ST3GAL2: variants seen among roughly 807,000 people sequenced by gnomAD.
The protein encoded by ST3GAL2 is CMP-N-acetylneuraminate-beta-galactosamide-alpha-2,3-sialyltransferase 2.
ST3GAL2 carries 16 observed loss-of-function variants against 37.5 expected under a neutral mutation model. The ratio of observed to expected loss-of-function variants is 0.43; its 90% CI spans 0.29 to 0.65. The LOEUF is 0.65. ST3GAL2 is among the 30% of genes least tolerant of loss of function. The probability of loss-of-function intolerance (pLI) is 0.17; values close to 1 mark genes in which losing one functional copy is unlikely to be tolerated. For missense variants in ST3GAL2, 383 were observed against 487.8 expected, an observed-to-expected ratio of 0.79 and a Z score of 2.02; for synonymous variants, 238 against 202.9, an observed-to-expected ratio of 1.17 and a Z score of -1.47.
chr16:70,409,499 A>G (rs901424547), intron 1 of ST3GAL2, among the ~76,000 whole-genome samples: 1 of 152,094 alleles, frequency 6.6e-6, no homozygotes, highest in Non-Finnish European at 1.5e-5. Flanking sequence ...ATGCGCCACC[A>G]TGCCTGGCTA....
In ST3GAL2 at chr16:70,380,140, C is replaced by G. The variant is rs2151654000; in HGVS notation, c.*1549G>C. On this transcript the variant is annotated 3_prime_UTR_variant, in exon 7 of 7. Coordinates refer to ENST00000342907, the MANE Select transcript of ST3GAL2 (RefSeq NM_006927.4). ...CGCCCTGAGAGAGGCATTCTACTAA[C>G]CCCACCCCAATCACCCCTATTTTTA... The G allele has an allele frequency of 6.6e-6, 1 of 152,168 alleles. No homozygotes were observed. The highest frequency in any genetic ancestry group is 2.1e-4 in the South Asian group (1 of 4,820). 9.4% of individuals were successfully genotyped at this position (152,168 alleles called of 1,614,324 possible).
At chr16:70,438,710 C>G (rs1171877550) in intron 1 of ST3GAL2, among the ~76,000 whole-genome samples, 1 of 152,138 alleles carries the variant, frequency 6.6e-6, no homozygotes, top group Non-Finnish European at 1.5e-5. Flanking sequence ...AGCGGGAGCC[C>G]TGGGAGGCTG....
rs1411826207 is a variant in ST3GAL2, at chr16:70,378,000, A to C, written c.*3689T>G. ...AGGAATGAAAAAGGTATCAACTCACATGGGCAAATAAATGGAAACAATAAC... is the reference window on the plus strand; with the variant it reads ...AGGAATGAAAAAGGTATCAACTCACCTGGGCAAATAAATGGAAACAATAAC... On this transcript the variant is annotated 3_prime_UTR_variant, in exon 7 of 7. Transcript: ENST00000342907. The C allele has an allele frequency of 6.6e-6, 1 of 152,194 alleles. No homozygotes were observed. The highest frequency in any genetic ancestry group is 6.6e-5 in the Admixed American group (1 of 15,258). 9.4% of individuals were successfully genotyped at this position (152,194 alleles called of 1,614,324 possible). A position where few individuals can be genotyped will look rare whatever the true frequency, so the allele number is the denominator to read the frequency against.
At position 70,380,251 on chromosome 16, in the gene ST3GAL2, C is replaced by T. The variant is rs2047388157; in HGVS notation, c.*1438G>A. On this transcript the variant is annotated 3_prime_UTR_variant, in exon 7 of 7. Coordinates refer to ENST00000342907, the MANE Select transcript of ST3GAL2 (RefSeq NM_006927.4). The stretch of plus-strand genomic sequence containing the variant: ...TTCAGGGGCCCACTGCCCATCCCAA[C>T]CCTCCCCTAACAAAGTCCCCTGCCG... The T allele has an allele frequency of 6.6e-6, 1 of 152,212 alleles. No homozygotes were observed. Among genetic ancestry groups the T allele is most frequent in the South Asian group, 2.1e-4 (1 of 4,838 alleles). The allele number at this position is 152,212 out of a possible 1,614,324, so 9.4% of individuals were successfully genotyped here. A position where few individuals can be genotyped will look rare whatever the true frequency, so the allele number is the denominator to read the frequency against.
At chr16:70,414,377 G>C (rs1375065747) in intron 1 of ST3GAL2, among the ~76,000 whole-genome samples, 1 of 152,206 alleles carries the variant, frequency 6.6e-6, no homozygotes, top group Non-Finnish European at 1.5e-5. Flanking sequence ...ACATGCAAAC[G>C]GGATCTTTCA....
At chr16:70,415,221 C>T (rs71401807) in intron 1 of ST3GAL2, among the ~76,000 whole-genome samples, 4,510 of 152,118 alleles carry the variant, frequency 0.03, 113 homozygotes, top group Non-Finnish European at 0.045. Flanking sequence ...GTTGGTCAGG[C>T]TGGTCTCAAA....
At chr16:70,388,100 G>A (rs1174699774) in intron 4 of ST3GAL2, among the ~76,000 whole-genome samples, 2 of 144,048 alleles carry the variant, frequency 1.4e-5, no homozygotes, top group Admixed American at 7.1e-5. Context: ...CAACAAGAGC[G>A]AAATTCTGTC....
chr16:70,415,730 G>T (rs957732286), intron 1 of ST3GAL2, among the ~76,000 whole-genome samples: 2 of 149,860 alleles, frequency 1.3e-5, no homozygotes, highest in African/African-American at 4.9e-5. Context: ...AGGATTACAG[G>T]CGTTGATCCA....
In ST3GAL2 at chr16:70,395,456, A is replaced by G. The variant is rs536853958; in HGVS notation, c.340-281T>C. On this transcript the variant is annotated intron_variant, in intron 2 of 6. Transcript: ENST00000342907. ...CTGATGCACTAGAAGGGGCTCAGGG[A>G]TCAAGGTGCCTTTCACACATTCTCT... 1.6e-3 allele frequency among the ~76,000 whole-genome samples: 239 copies of G among 152,320 alleles called. 2 individuals are homozygous for G. The highest frequency in any genetic ancestry group is 1.5e-3 in the Non-Finnish European group (101 of 68,022).
Position 70,417,822 on chromosome 16 carries a change from G to A in ST3GAL2, c.-1003-18289C>T, listed in dbSNP as rs148007667. On this transcript the variant is annotated intron_variant, in intron 1 of 6. Coordinates refer to ENST00000342907, the MANE Select transcript of ST3GAL2 (RefSeq NM_006927.4). ...GGTGGCATGGCGTGGCTGGGGGGGC[G>A]GGGGGAATGTTAGAAGTTCATCTCC... 3.6e-3 allele frequency among the ~76,000 whole-genome samples: 545 copies of A among 152,012 alleles called. 7 individuals carry two copies. Among genetic ancestry groups the A allele is most frequent in the African/African-American group, 0.012 (498 of 41,466 alleles).
Position 70,379,734 on chromosome 16 carries a change from G to A in ST3GAL2, c.*1955C>T, listed in dbSNP as rs958734481. ...CCTCCTCGGTTCAAGGGATTCTCCT[G>A]CCTCAGCCTTCCAAGTAGCTGGGAT... On this transcript the variant is annotated 3_prime_UTR_variant, in exon 7 of 7. Coordinates refer to ENST00000342907, the MANE Select transcript of ST3GAL2 (RefSeq NM_006927.4). 5.9e-5 allele frequency: 9 copies of A among 151,942 alleles called. No homozygotes were observed. The highest frequency in any genetic ancestry group is 2.2e-4 in the African/African-American group (9 of 41,324). 9.4% of individuals were successfully genotyped at this position (151,942 alleles called of 1,614,324 possible). A position where few individuals can be genotyped will look rare whatever the true frequency, so the allele number is the denominator to read the frequency against.
chr16:70,413,662 G>A (rs569487943), intron 1 of ST3GAL2, among the ~76,000 whole-genome samples: 1 of 150,902 alleles, frequency 6.6e-6, no homozygotes, highest in South Asian at 2.1e-4. Flanking sequence ...CTTGAGCCCA[G>A]GAAGCGGAGG....
intron 3 of ST3GAL2, among the ~76,000 whole-genome samples, chr16:70,390,028 C>T (rs897570296): frequency 4.6e-5 from 7 of 151,934 alleles, no homozygotes; most frequent in African/African-American, 9.7e-5. Flanking sequence ...CCTCGTGATC[C>T]GCCCACCTCA....
intron 3 of ST3GAL2, among the ~76,000 whole-genome samples, chr16:70,393,366 C>T (rs1031718339): frequency 6.6e-6 from 1 of 152,208 alleles, no homozygotes; most frequent in African/African-American, 2.4e-5. Context: ...GCATGAGCCA[C>T]AGCATGTGCA....
chr16:70,408,069 C>T (rs1471737147), intron 1 of ST3GAL2, among the ~76,000 whole-genome samples: 2 of 152,174 alleles, frequency 1.3e-5, no homozygotes, highest in Non-Finnish European at 2.9e-5. Context: ...CATGAAGCCA[C>T]AGCCTACTGC....
At chr16:70,402,374 T>C (rs1166916637) in intron 1 of ST3GAL2, among the ~76,000 whole-genome samples, 2 of 150,566 alleles carry the variant, frequency 1.3e-5, no homozygotes, top group Non-Finnish European at 2.9e-5. Flanking sequence ...TTTCAGACAT[T>C]AACAGGGATG....
intron 6 of ST3GAL2, 99 bp downstream of exon 6, chr16:70,382,706 C>A: frequency 6.4e-7 from 1 of 1,554,082 alleles, no homozygotes. Flanking sequence ...TGGATTCTGC[C>A]TACAGAAGCA....
intron 1 of ST3GAL2, among the ~76,000 whole-genome samples, chr16:70,416,350 T>C (rs182313831): frequency 1.3e-5 from 2 of 152,256 alleles, no homozygotes; most frequent in African/African-American, 4.8e-5. Flanking sequence ...ACAAACTAAT[T>C]TGGATCCCAA....
chr16:70,403,498 A>T (rs771800709), intron 1 of ST3GAL2, among the ~76,000 whole-genome samples: 9 of 152,154 alleles, frequency 5.9e-5, no homozygotes, highest in African/African-American at 9.7e-5. Context: ...CCTGGGCAAC[A>T]CAGCAAGACC....
Sources: allele counts gnomAD v4.1 joint callset (sites outside exome capture counted in the v4.1 genomes callset), GRCh38; gene constraint gnomAD v4.1.1; transcripts MANE v1.5; gene names NCBI Gene and HGNC (gene_info 2026-07-23, HGNC 2026-07-21).